The following ELL variants were observed in gnomAD, a reference collection of about 807,000 sequenced individuals.
ELL encodes the protein RNA polymerase II elongation factor ELL.
In ELL, 18 loss-of-function variants were observed where a neutral mutation model predicts 64.0. The observed-to-expected ratio is 0.28, with a 90% CI of 0.19 to 0.42. ELL has a LOEUF of 0.42. Ranked by LOEUF, ELL falls within the 10% of genes least tolerant of loss-of-function variation. ELL has a pLI of 1.00. For synonymous variants in ELL, 399 were observed against 376.2 expected (o/e 1.06, Z -0.70); for missense variants, 797 against 870.4 (o/e 0.92, Z 1.06).
intron 1 of ELL, among the ~76,000 whole-genome samples, chr19:18,496,913 G>C (rs57138044): frequency 1.3e-5 from 2 of 152,236 alleles, no homozygotes; most frequent in Non-Finnish European, 2.9e-5. Flanking sequence ...CCAAGTGCTG[G>C]TGAGGACATG....
At chr19:18,473,167 GC>G in intron 1 of ELL, 2 of 662,156 alleles carry the variant, frequency 3.0e-6, no homozygotes, top group Non-Finnish European at 5.6e-6. Context: ...GGCCCAGGAT[GC>G]AGGGGCGGGG....
At position 18,444,875 on chromosome 19, in the gene ELL, G is replaced by A. The variant is rs779072607; in HGVS notation, c.1750-7C>T. 3.1e-6 allele frequency: 5 copies of A among 1,609,948 alleles called. No homozygotes were observed. The highest frequency in any genetic ancestry group is 3.4e-6 in the Non-Finnish European group (4 of 1,179,202). On this transcript the variant is annotated splice_region_variant and splice_polypyrimidine_tract_variant and intron_variant, in intron 11 of 11. Coordinates refer to ENST00000262809, the MANE Select transcript of ELL (RefSeq NM_006532.4). ...GGCTGTAGTTGGTGTTGGTCTGTGG[G>A]ACAGCACAGTCATGCTCAGGACAGA... is the stretch of plus-strand genomic sequence containing the variant.
intron 1 of ELL, among the ~76,000 whole-genome samples, chr19:18,515,635 T>C (rs1976111080): frequency 2.0e-5 from 3 of 152,196 alleles, no homozygotes; most frequent in Admixed American, 2.0e-4. Flanking sequence ...CTTTCCACTT[T>C]CTTGGGGGAG....
Position 18,509,591 on chromosome 19 carries a change from GCGCACATA to G in ELL, c.135+12322_135+12329del, listed in dbSNP as rs1286929287. On this transcript the variant is annotated intron_variant, in intron 1 of 11. Transcript: ENST00000262809. Reference sequence around the variant, plus strand: ...CACAGGCCAATGCACGTGCGCGCGCGCGCACATACACACACACACACACACACACACAC... The same window carrying G: ...CACAGGCCAATGCACGTGCGCGCGCGCACACACACACACACACACACACAC... Among the ~76,000 whole-genome samples the G allele has an allele frequency of 6.7e-4, 81 of 121,796 alleles. 1 individual carries two copies. Among genetic ancestry groups the G allele is most frequent in the African/African-American group, 2.0e-3 (53 of 26,570 alleles). The allele number at this position is 121,796 out of a possible 152,430, so 79.9% of individuals were successfully genotyped here.
In ELL at chr19:18,446,203, G is replaced by C; in HGVS notation, c.1704+106C>G. On this transcript the variant is annotated intron_variant, in intron 10 of 11. Transcript: ENST00000262809. ...AGGGGGAGAAGCGCTGCCTGGGGAA[G>C]GGCCAGACTCTGGGGCCACCAAGCT... 6 of 1,339,228 alleles carry C rather than the reference G, an allele frequency of 4.5e-6. 1 individual carries two copies. In the South Asian group the frequency reaches 9.1e-5, roughly 20 times the overall value. The allele number at this position is 1,339,228 out of a possible 1,614,324, so 83.0% of individuals were successfully genotyped here.
chr19:18,459,521 AT>A (rs773327507), intron 5 of ELL, among the ~76,000 whole-genome samples: 3,408 of 138,084 alleles, frequency 0.025, 49 homozygotes, highest in African/African-American at 0.055. Context: ...CATGGGGAGC[AT>A]TTTTTTTTTT....
intron 1 of ELL, among the ~76,000 whole-genome samples, chr19:18,495,168 G>A (rs957686524): frequency 2.6e-5 from 4 of 152,180 alleles, no homozygotes; most frequent in African/African-American, 7.2e-5. Flanking sequence ...AACTGCCAAG[G>A]GTTAGGGACC....
At chr19:18,483,093 T>C (rs950479327) in intron 1 of ELL, among the ~76,000 whole-genome samples, 1 of 152,126 alleles carries the variant, frequency 6.6e-6, no homozygotes, top group Non-Finnish European at 1.5e-5. Flanking sequence ...TTTTTTTAAA[T>C]AGCTCTATTT....
chr19:18,479,236 G>C (rs1975241375), intron 1 of ELL, among the ~76,000 whole-genome samples: 1 of 152,200 alleles, frequency 6.6e-6, no homozygotes, highest in African/African-American at 2.4e-5. Flanking sequence ...GCACACTGCA[G>C]GCAACACAGA....
chr19:18,507,752 G>A (rs999481431), intron 1 of ELL, among the ~76,000 whole-genome samples: 1 of 152,224 alleles, frequency 6.6e-6, no homozygotes, highest in South Asian at 2.1e-4. Flanking sequence ...AGATTGCACT[G>A]TGTAGGTTGT....
intron 1 of ELL, among the ~76,000 whole-genome samples, chr19:18,518,854 T>A (rs1386652361): frequency 6.6e-6 from 1 of 151,446 alleles, no homozygotes; most frequent in African/African-American, 2.4e-5. Context: ...CCAGCAGCTA[T>A]GTGTACTGCT....
At chr19:18,498,275 C>T (rs1443818288) in intron 1 of ELL, among the ~76,000 whole-genome samples, 2 of 152,130 alleles carry the variant, frequency 1.3e-5, no homozygotes, top group African/African-American at 4.8e-5. Flanking sequence ...CTCAACTTTG[C>T]TCAGTATTGG....
intron 11 of ELL, 51 bp downstream of exon 11, chr19:18,445,173 T>C (rs1420960603): frequency 1.2e-6 from 2 of 1,605,614 alleles, no homozygotes; most frequent in Admixed American, 3.3e-5. Flanking sequence ...CCCTCCTCCC[T>C]CCAGCTCCCA....
intron 1 of ELL, among the ~76,000 whole-genome samples, chr19:18,481,993 T>G (rs1975308597): frequency 6.6e-6 from 1 of 152,194 alleles, no homozygotes; most frequent in African/African-American, 2.4e-5. Context: ...GAGTTCCTGT[T>G]GCTCCCCATC....
chr19:18,459,675 A>C (rs1222190255), intron 5 of ELL, among the ~76,000 whole-genome samples: 1 of 151,436 alleles, frequency 6.6e-6, no homozygotes, highest in African/African-American at 2.4e-5. Context: ...ACCCGCCACC[A>C]CGCCCGGCTA....
chr19:18,455,492 GAA>G (rs894882196), intron 6 of ELL, among the ~76,000 whole-genome samples: 8 of 118,772 alleles, frequency 6.7e-5, no homozygotes, highest in Admixed American at 2.6e-4. Flanking sequence ...TCTGTCTCAG[GAA>G]AAAAAAAAAA....
At chr19:18,452,043 C>T (rs919303747) in intron 6 of ELL, among the ~76,000 whole-genome samples, 12 of 152,220 alleles carry the variant, frequency 7.9e-5, no homozygotes, top group Non-Finnish European at 1.5e-4. Context: ...AGACAGCCTT[C>T]CTGGAAGCCC....
At chr19:18,470,795 G>C (rs899277888) in intron 2 of ELL, among the ~76,000 whole-genome samples, 1 of 152,212 alleles carries the variant, frequency 6.6e-6, no homozygotes, top group Admixed American at 6.5e-5. Flanking sequence ...GGAGGAGGAA[G>C]AAACTCTGCC....
In ELL at chr19:18,467,314, AT is replaced by A. The variant is rs756358361; in HGVS notation, c.184-1397del. On this transcript the variant is annotated intron_variant, in intron 2 of 11. Transcript: ENST00000262809. Reference sequence around the variant, plus strand: ...ACTGCCCCAGGAAAAAAGCCGTCCCATCTGCTGGGGTCTGCCCAGCATCCCC... The same window carrying A: ...ACTGCCCCAGGAAAAAAGCCGTCCCACTGCTGGGGTCTGCCCAGCATCCCC... Among the ~76,000 whole-genome samples the A allele has an allele frequency of 2.0e-5, 3 of 152,126 alleles. No individual in the cohort carries two copies. The East Asian group carries it at 5.8e-4, about 29-fold the overall frequency.
Sources: allele counts gnomAD v4.1 joint callset (sites outside exome capture counted in the v4.1 genomes callset), GRCh38; gene constraint gnomAD v4.1.1; transcripts MANE v1.5; gene names NCBI Gene and HGNC (gene_info 2026-07-23, HGNC 2026-07-21).